KLF12: variants seen among roughly 807,000 people sequenced by gnomAD.
KLF12 encodes the protein Krueppel-like factor 12.
A neutral mutation model predicts 37.8 loss-of-function variants in KLF12; 9 were observed. The observed-to-expected ratio is 0.24, with a 90% CI of 0.14 to 0.42. The LOEUF is 0.42. KLF12 is among the 10% of genes least tolerant of loss of function. The pLI is 1.00. For synonymous variants in KLF12, 208 were observed against 202.1 expected (o/e 1.03, Z -0.25); for missense variants, 411 against 516.0 (o/e 0.80, Z 1.97).
chr13:73,810,982 C>CTTTTTTTTTTTTTTTTTTTTTTTTTT (rs376490803), intron 5 of KLF12, among the ~76,000 whole-genome samples: 2 of 44,806 alleles, frequency 4.5e-5, no homozygotes, highest in African/African-American at 1.7e-4. Context: ...ATTTTTCTTT[C>CTTTTTTTTTTTTTTTTTTTTTTTTTT]TTTTTTTTTT....
intron 1 of KLF12, among the ~76,000 whole-genome samples, chr13:74,093,353 T>C (rs976296640): frequency 6.6e-6 from 1 of 152,198 alleles, no homozygotes; most frequent in Non-Finnish European, 1.5e-5. Flanking sequence ...TTTCAAAGCT[T>C]CACCCAGAAC....
intron 3 of KLF12, among the ~76,000 whole-genome samples, chr13:73,924,827 A>G (rs1333876199): frequency 6.6e-6 from 1 of 152,226 alleles, no homozygotes; most frequent in Non-Finnish European, 1.5e-5. Flanking sequence ...GTGCTACTCC[A>G]GTGAATATAC....
the KLF12 span, among the ~76,000 whole-genome samples, chr13:74,287,414 C>T: frequency 7.5e-6 from 1 of 134,092 alleles, no homozygotes; most frequent in Non-Finnish European, 1.6e-5. Flanking sequence ...CTATCCACCC[C>T]CAACCCCAGC....
chr13:73,864,020 T>G (rs563169257), intron 3 of KLF12, among the ~76,000 whole-genome samples: 12 of 152,268 alleles, frequency 7.9e-5, no homozygotes, highest in Non-Finnish European at 1.6e-4. Context: ...ATGGATTAAA[T>G]AGAATGATAC....
At chr13:74,091,694 T>C (rs953946067) in intron 1 of KLF12, among the ~76,000 whole-genome samples, 8 of 68,788 alleles carry the variant, frequency 1.2e-4, no homozygotes, top group African/African-American at 2.4e-4. Context: ...GCACAGGGGA[T>C]TTTAAGGCAG....
the KLF12 span, among the ~76,000 whole-genome samples, chr13:74,139,805 A>C: frequency 6.6e-6 from 1 of 152,162 alleles, no homozygotes; most frequent in Non-Finnish European, 1.5e-5. Context: ...TAAAGTAATA[A>C]ATAATCTGCA....
the KLF12 span, among the ~76,000 whole-genome samples, chr13:74,169,931 T>C: frequency 2.6e-5 from 4 of 152,158 alleles, no homozygotes; most frequent in Admixed American, 6.5e-5. Flanking sequence ...CAGCTGCACA[T>C]TTTTCACTCC....
At chr13:73,873,455 G>C (rs1886565664) in intron 3 of KLF12, among the ~76,000 whole-genome samples, 1 of 152,096 alleles carries the variant, frequency 6.6e-6, no homozygotes, top group Non-Finnish European at 1.5e-5. Flanking sequence ...TGGTATGGTT[G>C]TTGTGTCTTT....
At position 73,883,989 on chromosome 13, in the gene KLF12, C is replaced by A. The variant is rs193158628; in HGVS notation, c.124-37616G>T. ...CTGATCAGCCTGCCTTTCTGAGGTA[C>A]CTTCTCCGAATTTAACGCAGTTGGG... On this transcript the variant is annotated intron_variant, in intron 3 of 7. Transcript: ENST00000377669. Among the ~76,000 whole-genome samples, 3 of 152,210 alleles carry A rather than the reference C, an allele frequency of 2.0e-5. No homozygotes were observed. The East Asian group carries it at 5.8e-4, about 29-fold the overall frequency.
chr13:74,286,685 G>A, the KLF12 span, among the ~76,000 whole-genome samples: 9 of 152,300 alleles, frequency 5.9e-5, no homozygotes, highest in South Asian at 1.7e-3. Context: ...AGTGAGCTCT[G>A]ATCTTAATCC....
At chr13:74,195,702 G>T in the KLF12 span, among the ~76,000 whole-genome samples, 2 of 152,082 alleles carry the variant, frequency 1.3e-5, no homozygotes, top group East Asian at 1.9e-4. Context: ...GGGTTCAAGT[G>T]ATTCTCCTGC....
chr13:73,906,357 A>ACATTTC (rs1171971641), intron 3 of KLF12, among the ~76,000 whole-genome samples: 1 of 152,178 alleles, frequency 6.6e-6, no homozygotes, highest in Non-Finnish European at 1.5e-5. Context: ...CTATCATTTT[A>ACATTTC]CATTTCCATT....
the KLF12 span, among the ~76,000 whole-genome samples, chr13:74,144,586 A>G: frequency 1.3e-5 from 2 of 152,194 alleles, no homozygotes; most frequent in South Asian, 4.1e-4. Context: ...AACAAGGGAA[A>G]ATATATGTAT....
intron 3 of KLF12, among the ~76,000 whole-genome samples, chr13:73,926,383 T>C (rs1889377223): frequency 6.6e-6 from 1 of 152,226 alleles, no homozygotes; most frequent in Non-Finnish European, 1.5e-5. Flanking sequence ...TAGCATTTTT[T>C]AGCAATAAAG....
At chr13:74,274,567 T>C in the KLF12 span, among the ~76,000 whole-genome samples, 1 of 152,170 alleles carries the variant, frequency 6.6e-6, no homozygotes, top group Non-Finnish European at 1.5e-5. Context: ...TATTTATGTA[T>C]CTGGTGGCTG....
intron 1 of KLF12, among the ~76,000 whole-genome samples, chr13:74,005,621 T>C (rs555723555): frequency 1.3e-4 from 20 of 151,134 alleles, no homozygotes; most frequent in African/African-American, 4.9e-4. Context: ...GACAACTTAC[T>C]AGAAATCGGG....
upstream of KLF12, among the ~76,000 whole-genome samples, chr13:74,137,171 G>C (rs1288763183): frequency 6.6e-6 from 1 of 152,214 alleles, no homozygotes; most frequent in Non-Finnish European, 1.5e-5. Context: ...GATTTTTAAT[G>C]TTTAGACCTT....
At chr13:73,934,148 G>GT (rs1202092437) in intron 3 of KLF12, among the ~76,000 whole-genome samples, 46 of 151,064 alleles carry the variant, frequency 3.0e-4, no homozygotes, top group South Asian at 6.3e-4. Context: ...AAATTGAGGG[G>GT]TTTTTTTTTG....
upstream of KLF12, among the ~76,000 whole-genome samples, chr13:74,137,969 C>T (rs754004161): frequency 2.6e-5 from 4 of 152,222 alleles, no homozygotes; most frequent in Non-Finnish European, 5.9e-5. Flanking sequence ...CCATGTTGGT[C>T]AGGCTGGTCT....
Sources: gnomAD v4.1 joint callset for allele counts (sites outside exome capture counted in the v4.1 genomes callset) on GRCh38, gnomAD v4.1.1 for gene constraint, MANE v1.5 for transcripts, NCBI Gene and HGNC (gene_info 2026-07-23, HGNC 2026-07-21) for gene names.